The following HMCN2 variants were observed in gnomAD, a reference collection of about 807,000 sequenced individuals.
The protein encoded by HMCN2 is hemicentin-2.
HMCN2 carries 325 observed loss-of-function variants against 377.5 expected under a neutral mutation model. The ratio of observed to expected loss-of-function variants is 0.86; its 90% CI spans 0.79 to 0.94. The LOEUF (loss-of-function observed/expected upper bound fraction) is 0.94. HMCN2 is among the 40% of genes least tolerant of loss of function. HMCN2 has a pLI of 0.00. For missense variants in HMCN2, 4,543 were observed against 4,725.3 expected (o/e 0.96, Z 1.13); for synonymous variants, 2,007 against 2,046.8 (o/e 0.98, Z 0.53).
At position 130,369,261 on chromosome 9, in the gene HMCN2, C is replaced by G. The variant is rs1308702414; in HGVS notation, c.6788-309C>G. ...GAAACCCACCCGTAGAATAATTTCC[C>G]ACCCCTAACCAGTCCCAACAACTGT... On this transcript the variant is annotated intron_variant, in intron 44 of 97. Transcript: ENST00000683500. This position sits in a 1 kb window ranked among gnomAD's most constrained non-coding sequence, Gnocchi z 4.5. Among the ~76,000 whole-genome samples, 1 of 152,218 alleles carries G rather than the reference C, an allele frequency of 6.6e-6. No individual in the cohort carries two copies. The highest frequency in any genetic ancestry group is 2.4e-5 in the African/African-American group (1 of 41,466).
intron 53 of HMCN2, among the ~76,000 whole-genome samples, chr9:130,378,946 C>T (rs1475078848): frequency 6.6e-6 from 1 of 152,132 alleles, no homozygotes; most frequent in African/African-American, 2.4e-5. Context: ...AGACAAACAT[C>T]GGCTGAAGCT....
Position 130,349,147 on chromosome 9 carries a change from G to GC in HMCN2, c.4303+19dup, listed in dbSNP as rs1839556118. ...CTTGTGCTCAGTGAGTGAGACCTGAGCCCTGTAACTCCCAAGTGTGTCTGG... is the reference window on the plus strand; with the variant it reads ...CTTGTGCTCAGTGAGTGAGACCTGAGCCCCTGTAACTCCCAAGTGTGTCTGG... On this transcript the variant is annotated intron_variant, in intron 28 of 97. Coordinates refer to ENST00000683500, the MANE Select transcript of HMCN2 (RefSeq NM_001291815.2). 2 of 1,301,860 alleles carry GC rather than the reference G, an allele frequency of 1.5e-6. No individual in the cohort carries two copies. The highest frequency in any genetic ancestry group is 2.0e-6 in the Non-Finnish European group (2 of 987,508). The allele number at this position is 1,301,860 out of a possible 1,614,324, so 80.6% of individuals were successfully genotyped here.
chr9:130,306,753 T>C, intron 12 of HMCN2, 58 bp from the exon 13 acceptor site: 1 of 435,836 alleles, frequency 2.3e-6, no homozygotes, highest in Non-Finnish European at 4.9e-6. Flanking sequence ...TTGTTATTAA[T>C]GATGATTGTG....
At chr9:130,285,457 C>T (rs1050162589) in intron 3 of HMCN2, 141 bp downstream of exon 3, 3 of 367,844 alleles carry the variant, frequency 8.2e-6, no homozygotes, top group African/African-American at 2.1e-5. Context: ...CAGCCTCTGC[C>T]ATGCATGGCC....
At chr9:130,267,476 A>ACACACGCGCGCG (rs1265312371) in intron 1 of HMCN2, among the ~76,000 whole-genome samples, 3 of 149,818 alleles carry the variant, frequency 2.0e-5, no homozygotes, top group African/African-American at 7.4e-5. Flanking sequence ...ACACACACAC[A>ACACACGCGCGCG]CGCACAGATT....
At chr9:130,324,804 TA>T (rs1838039491) in intron 19 of HMCN2, among the ~76,000 whole-genome samples, 1 of 152,042 alleles carries the variant, frequency 6.6e-6, no homozygotes, top group Admixed American at 6.5e-5. Context: ...TTTGTATTTT[TA>T]GTAGAGACAG....
chr9:130,297,770 G>A (rs976992524), intron 7 of HMCN2, among the ~76,000 whole-genome samples: 2 of 152,288 alleles, frequency 1.3e-5, no homozygotes, highest in Middle Eastern at 3.4e-3. Context: ...CAGTTTGTTT[G>A]TTTTGCCGAT....
intron 15 of HMCN2, among the ~76,000 whole-genome samples, chr9:130,315,867 A>G (rs1367211389): frequency 6.6e-6 from 1 of 152,176 alleles, no homozygotes; most frequent in African/African-American, 2.4e-5. Flanking sequence ...TCTTCTTAAA[A>G]GGACACTAAT....
At chr9:130,350,388 C>CAAAA (rs1187309511) in intron 29 of HMCN2, among the ~76,000 whole-genome samples, 6 of 89,702 alleles carry the variant, frequency 6.7e-5, no homozygotes, top group South Asian at 8.7e-4. Context: ...CAAAAAAATA[C>CAAAA]AAAAAAAAAA....
chr9:130,355,208 G>A (rs1052675497), intron 32 of HMCN2, among the ~76,000 whole-genome samples, 164 bp downstream of exon 32: 4 of 152,194 alleles, frequency 2.6e-5, no homozygotes, highest in Non-Finnish European at 5.9e-5. Flanking sequence ...GGCCTGGGCT[G>A]TGGGGCCGGC....
At position 130,360,474 on chromosome 9, in the gene HMCN2, A is replaced by T; in HGVS notation, c.5820A>T (p.Gly1940=). The T allele has an allele frequency of 7.7e-7, 1 of 1,303,550 alleles. No individual in the cohort carries two copies. The highest frequency in any genetic ancestry group is 1.0e-6 in the Non-Finnish European group (1 of 988,756). 80.7% of individuals were successfully genotyped at this position (1,303,550 alleles called of 1,614,324 possible). A position where few individuals can be genotyped will look rare whatever the true frequency, so the allele number is the denominator to read the frequency against. Residue 1940 remains glycine (G), a synonymous_variant, in exon 38 of 98, where the codon GGA becomes GGT. Transcript: ENST00000683500. The surrounding 1 kb of genome is among the most constrained non-coding windows in gnomAD (Gnocchi z 4.7). ...ACCAACCTGTCTCTTCATGGATGGGAGTGACAGTATCAGTGGATGGGAGAG... is the reference window on the plus strand; with the variant it reads ...ACCAACCTGTCTCTTCATGGATGGGTGTGACAGTATCAGTGGATGGGAGAG... ...KGHQPVSSWM[G]VTVSVDGRVL...
intron 95 of HMCN2, chr9:130,431,092 G>C (rs945228880): frequency 3.7e-6 from 2 of 536,186 alleles, no homozygotes; most frequent in African/African-American, 1.9e-5. Context: ...CTGATGCCTC[G>C]GCATTCCCGC....
chr9:130,399,550 C>T lies in HMCN2; in HGVS notation c.11523C>T (p.Gly3841=), dbSNP rs1031215780. The T allele has an allele frequency of 5.4e-6, 7 of 1,289,052 alleles. No homozygotes were observed. In the Admixed American group the frequency reaches 6.9e-5, roughly 13 times the overall value. 79.9% of individuals were successfully genotyped at this position (1,289,052 alleles called of 1,614,324 possible). A position where few individuals can be genotyped will look rare whatever the true frequency, so the allele number is the denominator to read the frequency against. ...ACGCCCTGCTCCTCACGGCCCCCGG[C>T]CCCCAGGACTCAGCCCAGTTTGAAT... The part of the protein sequence containing the change: ...PSNALLLTAP[G]PQDSAQFECV... The change falls in exon 76 of 98, where the codon GGC becomes GGT. Residue 3841 remains glycine, a synonymous_variant. Coordinates refer to ENST00000683500, the MANE Select transcript of HMCN2 (RefSeq NM_001291815.2).
At chr9:130,324,823 C>T (rs1252694102) in intron 19 of HMCN2, among the ~76,000 whole-genome samples, 1 of 152,072 alleles carries the variant, frequency 6.6e-6, no homozygotes, top group Non-Finnish European at 1.5e-5. Context: ...CAGGGTTTCA[C>T]CCTGTTGGCC....
chr9:130,373,406 G>T (rs1181322369), intron 48 of HMCN2, among the ~76,000 whole-genome samples: 3 of 152,208 alleles, frequency 2.0e-5, no homozygotes, highest in Non-Finnish European at 4.4e-5. Context: ...TCTCCACTGG[G>T]CTCCCACAAG....
At chr9:130,321,368 C>T (rs1177524708) in intron 18 of HMCN2, among the ~76,000 whole-genome samples, 2 of 152,184 alleles carry the variant, frequency 1.3e-5, no homozygotes, top group African/African-American at 4.8e-5. Context: ...TCTGTTTGCC[C>T]TCTCCTATTG....
chr9:130,353,805 G>T (rs999341467), intron 31 of HMCN2, among the ~76,000 whole-genome samples: 1 of 152,160 alleles, frequency 6.6e-6, no homozygotes, highest in Non-Finnish European at 1.5e-5. Flanking sequence ...TTTTGAAGGA[G>T]AACTCAGAGG....
At chr9:130,302,822 G>A (rs1384099243) in intron 8 of HMCN2, 35 bp from the exon 9 acceptor site, 1 of 429,786 alleles carries the variant, frequency 2.3e-6, no homozygotes, top group South Asian at 1.7e-5. Context: ...AAGGGGCGGT[G>A]GGGAGACATT....
intron 22 of HMCN2, among the ~76,000 whole-genome samples, chr9:130,331,258 C>T (rs1366836742): frequency 3.9e-5 from 6 of 152,216 alleles, no homozygotes; most frequent in South Asian, 2.1e-4. Flanking sequence ...CCAGCTCTCG[C>T]GGTCATAAAT....
Sources: gnomAD v4.1 joint callset for allele counts (sites outside exome capture counted in the v4.1 genomes callset) on GRCh38, gnomAD v4.1.1 for gene constraint, Gnocchi (gnomAD v3.1) non-coding constraint, MANE v1.5 for transcripts, NCBI Gene and HGNC (gene_info 2026-07-23, HGNC 2026-07-21) for gene names.